PARN: variants seen among roughly 807,000 people sequenced by gnomAD.
PARN encodes poly(A)-specific ribonuclease PARN.
PARN carries 71 observed loss-of-function variants against 102.8 expected under a neutral mutation model. That is an observed-to-expected ratio of 0.69 (90% CI 0.57 to 0.84). The LOEUF is 0.84. PARN is among the 40% of genes least tolerant of loss of function. PARN has a pLI of 0.00. For synonymous variants in PARN, 261 were observed against 252.9 expected (o/e 1.03, Z -0.30); for missense variants, 782 against 760.9 (o/e 1.03, Z -0.33).
At chr16:14,525,283 C>G (rs539046029) in intron 21 of PARN, among the ~76,000 whole-genome samples, 49 of 152,292 alleles carry the variant, frequency 3.2e-4, no homozygotes, top group African/African-American at 1.1e-3. Flanking sequence ...ATAAGGATGT[C>G]TCTGGAAAAC....
At chr16:14,622,512 T>C (rs1972374551) in intron 5 of PARN, among the ~76,000 whole-genome samples, 1 of 152,178 alleles carries the variant, frequency 6.6e-6, no homozygotes, top group African/African-American at 2.4e-5. Flanking sequence ...GGATTCCATA[T>C]ATATATATTT....
intron 22 of PARN, among the ~76,000 whole-genome samples, chr16:14,478,551 A>G (rs1963202556): frequency 6.6e-6 from 1 of 151,982 alleles, no homozygotes; most frequent in African/African-American, 2.4e-5. Context: ...AGGGATATCC[A>G]CTCTCTCTAT....
intron 21 of PARN, among the ~76,000 whole-genome samples, chr16:14,507,504 C>A (rs780292827): frequency 1.3e-5 from 2 of 151,616 alleles, no homozygotes; most frequent in Non-Finnish European, 2.9e-5. Context: ...TGAGACCGAC[C>A]TGGCCAACAT....
intron 18 of PARN, among the ~76,000 whole-genome samples, chr16:14,563,522 G>A (rs2911477): frequency 0.91 from 135,700 of 149,204 alleles, 61,691 homozygotes; most frequent in African/African-American, 0.93. Context: ...GTGTGTGTGT[G>A]TATATAATTC....
chr16:14,581,069 T>A (rs1012386781), intron 17 of PARN, 126 bp from the exon 18 acceptor site: 6 of 563,042 alleles, frequency 1.1e-5, no homozygotes, highest in Non-Finnish European at 3.2e-6. Context: ...CTTTTTTTTT[T>A]GAGTCAGAGT....
At chr16:14,610,469 T>C (rs1971458734) in intron 7 of PARN, among the ~76,000 whole-genome samples, 175 bp downstream of exon 7, 1 of 112,696 alleles carries the variant, frequency 8.9e-6, no homozygotes, top group African/African-American at 3.0e-5. Flanking sequence ...CAAGACTGTC[T>C]CAAAAAAAAA....
At chr16:14,528,077 G>A (rs1232806900) in intron 21 of PARN, among the ~76,000 whole-genome samples, 3 of 152,210 alleles carry the variant, frequency 2.0e-5, no homozygotes, top group African/African-American at 7.2e-5. Context: ...GAATAATGAG[G>A]ACTGACTGTA....
At chr16:14,519,285 GGAA>G (rs1406380100) in intron 21 of PARN, among the ~76,000 whole-genome samples, 38 of 120,258 alleles carry the variant, frequency 3.2e-4, no homozygotes, top group Admixed American at 1.2e-3. Flanking sequence ...AGAGGAGAGA[GGAA>G]GGGAGGGGAG....
intron 11 of PARN, among the ~76,000 whole-genome samples, chr16:14,600,661 TG>T (rs1225848851): frequency 3.3e-5 from 5 of 152,160 alleles, no homozygotes; most frequent in African/African-American, 1.2e-4. Flanking sequence ...CTGGGTGAAG[TG>T]GCTCACGCCT....
chr16:14,492,245 G>A (rs903840343), intron 21 of PARN, among the ~76,000 whole-genome samples: 2 of 152,358 alleles, frequency 1.3e-5, no homozygotes, highest in African/African-American at 4.8e-5. Flanking sequence ...GATAGTGGAG[G>A]ACGGCATTCC....
intron 11 of PARN, chr16:14,601,692 G>A (rs1261907828): frequency 1.3e-5 from 2 of 152,036 alleles, no homozygotes; most frequent in African/African-American, 4.8e-5. Context: ...GCAGGCTGAG[G>A]CAGGCAGATC....
intron 21 of PARN, among the ~76,000 whole-genome samples, chr16:14,533,215 C>T (rs578036446): frequency 9.8e-4 from 149 of 152,208 alleles, no homozygotes; most frequent in African/African-American, 3.3e-3. Context: ...ACCAGCCCGG[C>T]CAACACAGCG....
chr16:14,580,071 T>C (rs1264246000), intron 18 of PARN, among the ~76,000 whole-genome samples: 1 of 151,920 alleles, frequency 6.6e-6, no homozygotes, highest in Non-Finnish European at 1.5e-5. Context: ...AGACAAACAC[T>C]GCCCCAAAAA....
intron 3 of PARN, among the ~76,000 whole-genome samples, 196 bp downstream of exon 3, chr16:14,627,976 C>G (rs1210097386): frequency 6.6e-6 from 1 of 152,114 alleles, no homozygotes; most frequent in African/African-American, 2.4e-5. Context: ...CCACTGCACC[C>G]CAGCCTGGGT....
At chr16:14,454,281 G>C (rs1453925271) in intron 22 of PARN, among the ~76,000 whole-genome samples, 1 of 152,168 alleles carries the variant, frequency 6.6e-6, no homozygotes, top group African/African-American at 2.4e-5. Flanking sequence ...AGGAGTTCAA[G>C]ACCAGCCTGG....
chr16:14,571,739 A>G (rs893046380), intron 18 of PARN, among the ~76,000 whole-genome samples: 1 of 152,110 alleles, frequency 6.6e-6, no homozygotes, highest in Non-Finnish European at 1.5e-5. Context: ...ACACTCTCTC[A>G]TTTCATCCTC....
At chr16:14,565,827 T>C (rs1428675667) in intron 18 of PARN, among the ~76,000 whole-genome samples, 3 of 152,208 alleles carry the variant, frequency 2.0e-5, no homozygotes, top group Non-Finnish European at 2.9e-5. Flanking sequence ...GTCTCGGCTT[T>C]AAAATGGGCA....
intron 22 of PARN, among the ~76,000 whole-genome samples, chr16:14,467,931 T>G (rs568322010): frequency 1.4e-3 from 206 of 152,268 alleles, no homozygotes; most frequent in African/African-American, 4.8e-3. Flanking sequence ...GCTCATTCAT[T>G]TATTTAAACG....
chr16:14,437,113 CATTTAATTCATATA>C (rs1448051353), intron 23 of PARN, among the ~76,000 whole-genome samples: 1 of 152,224 alleles, frequency 6.6e-6, no homozygotes, highest in African/African-American at 2.4e-5. Context: ...ATACAGCGGG[CATTTAATTCATATA>C]ATCTTCATTA....
Sources: gnomAD v4.1 joint callset for allele counts (sites outside exome capture counted in the v4.1 genomes callset) on GRCh38, gnomAD v4.1.1 for gene constraint, MANE v1.5 for transcripts, NCBI Gene and HGNC (gene_info 2026-07-23, HGNC 2026-07-21) for gene names.